Variants in SPAG17 observed in about 807,000 individuals in gnomAD.
SPAG17 encodes the protein sperm-associated antigen 17.
SPAG17 carries 169 observed loss-of-function variants against 273.6 expected under a neutral mutation model. That is an observed-to-expected ratio of 0.62 (90% confidence interval 0.55 to 0.70). The LOEUF (loss-of-function observed/expected upper bound fraction) is 0.70. Ranked by LOEUF, SPAG17 falls within the 30% of genes least tolerant of loss-of-function variation. SPAG17 has a pLI of 0.00. For missense variants in SPAG17, 2,557 were observed against 2,627.8 expected, an observed-to-expected ratio of 0.97 and a Z score of 0.59; for synonymous variants, 825 against 873.2, an observed-to-expected ratio of 0.94 and a Z score of 0.97.
At chr1:118,070,060 T>G (rs1283046633) in intron 17 of SPAG17, among the ~76,000 whole-genome samples, 1 of 152,152 alleles carries the variant, frequency 6.6e-6, no homozygotes, top group Non-Finnish European at 1.5e-5. Flanking sequence ...GAGAAAAGAT[T>G]GAACATTTGC....
At chr1:118,159,042 A>G (rs909459822) in intron 1 of SPAG17, among the ~76,000 whole-genome samples, 1 of 152,216 alleles carries the variant, frequency 6.6e-6, no homozygotes, top group Non-Finnish European at 1.5e-5. Flanking sequence ...CACACTAAAG[A>G]GAACTTTTAC....
At chr1:118,073,528 G>T (rs1421817239) in intron 17 of SPAG17, among the ~76,000 whole-genome samples, 1 of 151,980 alleles carries the variant, frequency 6.6e-6, no homozygotes, top group Admixed American at 6.6e-5. Flanking sequence ...AAAAAATAAG[G>T]TTTTTCCCAA....
At chr1:118,020,806 A>G (rs185468427) in intron 28 of SPAG17, among the ~76,000 whole-genome samples, 514 of 152,344 alleles carry the variant, frequency 3.4e-3, no homozygotes, top group Non-Finnish European at 6.3e-3. Flanking sequence ...TGAAGTAGTA[A>G]TTCTTTTTAC....
At chr1:118,167,601 TTAAAA>T (rs1461379490) in intron 1 of SPAG17, among the ~76,000 whole-genome samples, 6 of 152,218 alleles carry the variant, frequency 3.9e-5, no homozygotes, top group Admixed American at 6.5e-5. Context: ...TGCATTATAA[TTAAAA>T]TAAAAGTAAA....
intron 7 of SPAG17, among the ~76,000 whole-genome samples, chr1:118,097,394 C>A (rs1038735437): frequency 6.6e-6 from 1 of 152,170 alleles, no homozygotes; most frequent in Non-Finnish European, 1.5e-5. Flanking sequence ...AGTTTTAAAA[C>A]AAAGCCACGT....
At position 117,972,017 on chromosome 1, in the gene SPAG17, T is replaced by C; in HGVS notation, c.6172A>G (p.Thr2058Ala). Residue 2058 changes from threonine (T) to alanine (A), a missense_variant, in exon 45 of 49, where the codon ACA (threonine) becomes GCA (alanine). Coordinates refer to ENST00000336338, the MANE Select transcript of SPAG17 (RefSeq NM_206996.4). ...ATGGCAGCAGATGCAACAGAGGATG[T>C]GTTCACTTTTCCTCCAACAGAATCT... ...VQDSVGGKVN[T>A]SSVASAAINN... 6.2e-7 allele frequency: 1 copy of C among 1,613,786 alleles called. No homozygotes were observed.
chr1:118,076,759 C>G (rs962350476), intron 15 of SPAG17, among the ~76,000 whole-genome samples: 2 of 151,474 alleles, frequency 1.3e-5, no homozygotes, highest in African/African-American at 4.8e-5. Flanking sequence ...CTGATTTTTG[C>G]TTTCAACCAC....
Position 118,081,098 on chromosome 1 carries a change from T to C in SPAG17, c.2209+3A>G, listed in dbSNP as rs199864086. ...ACACACACACACACACACTTTAACTTACCCAGAGACTCATGTTGGGGCTGA... is the reference window on the plus strand; with the variant it reads ...ACACACACACACACACACTTTAACTCACCCAGAGACTCATGTTGGGGCTGA... On this transcript the variant is annotated splice_donor_region_variant and intron_variant, in intron 15 of 48. Transcript: ENST00000336338. 9.6e-5 allele frequency: 153 copies of C among 1,598,586 alleles called. No individual in the cohort carries two copies. The highest frequency in any genetic ancestry group is 1.3e-4 in the Non-Finnish European group (148 of 1,166,528).
In SPAG17 at chr1:118,099,761, A is replaced by G. The variant is rs145396866; in HGVS notation, c.674T>C (p.Val225Ala). The G allele has an allele frequency of 6.2e-7, 1 of 1,613,056 alleles. No individual in the cohort carries two copies. Among genetic ancestry groups the G allele is most frequent in the African/African-American group, 1.3e-5 (1 of 74,926 alleles). The change falls in exon 6 of 49, where the codon GTT becomes GCT. Residue 225 changes from valine (V) to alanine (A), a missense_variant. Coordinates refer to ENST00000336338, the MANE Select transcript of SPAG17 (RefSeq NM_206996.4). The part of the protein sequence containing the change: ...PDDGAQHYII[V>A]VGFNNPQLLA... ...TAGCTGAGGATTGTTAAAGCCCACA[A>G]CTATAATGTAATGTTGGGCACCATC...
In SPAG17 at chr1:118,002,561, C is replaced by G. The variant is rs937203877; in HGVS notation, c.4776+2853G>C. ...GTTAGTTCTTCTTGTTGAATTGATC[C>G]CTTTACAAATATGTAATGGCCTTCT... On this transcript the variant is annotated intron_variant, in intron 32 of 48. Transcript: ENST00000336338. 2.3e-4 allele frequency among the ~76,000 whole-genome samples: 35 copies of G among 152,074 alleles called. 1 individual carries two copies. Among genetic ancestry groups the G allele is most frequent in the Admixed American group, 2.1e-3 (32 of 15,276 alleles).
chr1:118,078,024 G>T (rs1654246332), intron 15 of SPAG17, among the ~76,000 whole-genome samples: 1 of 152,232 alleles, frequency 6.6e-6, no homozygotes, highest in Non-Finnish European at 1.5e-5. Context: ...TGGGATAATA[G>T]TATCTTTGTC....
intron 46 of SPAG17, among the ~76,000 whole-genome samples, chr1:117,968,130 C>G (rs975195785): frequency 3.9e-5 from 6 of 152,058 alleles, no homozygotes; most frequent in Non-Finnish European, 5.9e-5. Flanking sequence ...TGAGCAGATT[C>G]ATTTAGTGTT....
chr1:118,118,159 G>A (rs1657200476), intron 3 of SPAG17, among the ~76,000 whole-genome samples: 2 of 152,182 alleles, frequency 1.3e-5, no homozygotes, highest in South Asian at 4.1e-4. Flanking sequence ...TAAAGAGACA[G>A]AATTTAAAGG....
chr1:118,143,106 A>G (rs1348074085), intron 3 of SPAG17, among the ~76,000 whole-genome samples: 2 of 152,230 alleles, frequency 1.3e-5, no homozygotes, highest in Non-Finnish European at 2.9e-5. Context: ...AAAAGCTCCA[A>G]CTGAAATTAT....
chr1:117,980,254 T>C (rs894183056), intron 43 of SPAG17, among the ~76,000 whole-genome samples: 2 of 152,112 alleles, frequency 1.3e-5, no homozygotes, highest in Non-Finnish European at 2.9e-5. Flanking sequence ...TTTTTTGGGA[T>C]GGAGTCTCGC....
intron 1 of SPAG17, among the ~76,000 whole-genome samples, chr1:118,167,988 T>G (rs1660250085): frequency 6.6e-6 from 1 of 152,204 alleles, no homozygotes; most frequent in Admixed American, 6.5e-5. Flanking sequence ...TTCCTCCTCC[T>G]TTGCCTTCTC....
At chr1:118,128,619 T>A (rs1162067489) in intron 3 of SPAG17, among the ~76,000 whole-genome samples, 1 of 152,194 alleles carries the variant, frequency 6.6e-6, no homozygotes, top group Non-Finnish European at 1.5e-5. Context: ...AGACTAGTGA[T>A]TGAGACCCTA....
intron 48 of SPAG17, chr1:117,957,279 G>A (rs754784955): frequency 5.5e-6 from 8 of 1,459,808 alleles, no homozygotes; most frequent in Non-Finnish European, 7.3e-6. Flanking sequence ...CAACACTTTG[G>A]GATTAAGAAA....
At chr1:118,049,070 C>T (rs1218849559) in intron 20 of SPAG17, among the ~76,000 whole-genome samples, 1 of 152,086 alleles carries the variant, frequency 6.6e-6, no homozygotes, top group Non-Finnish European at 1.5e-5. Context: ...AACTGAGAGA[C>T]TGAATCAGTT....
Sources: allele counts gnomAD v4.1 joint callset (sites outside exome capture counted in the v4.1 genomes callset), GRCh38; gene constraint gnomAD v4.1.1; transcripts MANE v1.5; gene names NCBI Gene and HGNC (gene_info 2026-07-23, HGNC 2026-07-21).